Variants in RNF111 observed in about 807,000 individuals in gnomAD.
RNF111 encodes the protein ring finger protein 111.
Under a neutral mutation model 95.1 loss-of-function variants are expected in RNF111, and 17 were observed. The observed-to-expected ratio is 0.18, with a 90% confidence interval of 0.12 to 0.27. The LOEUF (loss-of-function observed/expected upper bound fraction) is 0.27, where lower values mean the gene tolerates loss of function less well. Among genes scored for constraint, RNF111 ranks in the 10% least tolerant of loss-of-function variants. The pLI, the probability that RNF111 is intolerant of heterozygous loss-of-function variation, is 1.00. For missense variants in RNF111, 1,189 were observed against 1,210.4 expected (o/e 0.98, Z 0.26); for synonymous variants, 440 against 414.8 (o/e 1.06, Z -0.74).
chr15:59,053,434 T>G (rs1052175562), intron 3 of RNF111, among the ~76,000 whole-genome samples: 1 of 152,244 alleles, frequency 6.6e-6, no homozygotes, highest in African/African-American at 2.4e-5. Flanking sequence ...GAAGTGCATT[T>G]GCTTATTGCA....
chr15:59,073,686 C>G (rs1473800571), intron 6 of RNF111, among the ~76,000 whole-genome samples: 1 of 152,064 alleles, frequency 6.6e-6, no homozygotes, highest in Non-Finnish European at 1.5e-5. Flanking sequence ...GCTTGGAATC[C>G]ACTTCTTCCA....
chr15:59,010,385 T>TTTTA (rs1227628050), intron 1 of RNF111, among the ~76,000 whole-genome samples: 2 of 152,132 alleles, frequency 1.3e-5, no homozygotes, highest in East Asian at 3.9e-4. Flanking sequence ...TCCACATCTG[T>TTTTA]TTTATTTATT....
intron 6 of RNF111, among the ~76,000 whole-genome samples, 191 bp from the exon 7 acceptor site, chr15:59,075,763 A>G (rs544948511): frequency 6.2e-4 from 95 of 152,334 alleles, no homozygotes; most frequent in African/African-American, 2.1e-3. Context: ...ACAATCCAGG[A>G]TACACTTGTT....
intron 1 of RNF111, among the ~76,000 whole-genome samples, chr15:59,029,560 T>C (rs2040804066): frequency 6.6e-6 from 1 of 152,252 alleles, no homozygotes; most frequent in Admixed American, 6.5e-5. Flanking sequence ...AGTAAAGTTA[T>C]ATACTATAGT....
intron 2 of RNF111, among the ~76,000 whole-genome samples, chr15:59,032,759 AC>A (rs1295382936): frequency 6.6e-6 from 1 of 152,160 alleles, no homozygotes; most frequent in Non-Finnish European, 1.5e-5. Flanking sequence ...ATTTCAAGTA[AC>A]TTTTATTCTA....
chr15:58,990,164 C>T (rs1478359773), intron 1 of RNF111, among the ~76,000 whole-genome samples: 1 of 152,164 alleles, frequency 6.6e-6, no homozygotes, highest in Non-Finnish European at 1.5e-5. Context: ...TGTTAACCCT[C>T]CTTGGGCTTC....
At chr15:59,052,470 A>T (rs2042029007) in intron 3 of RNF111, 39 bp downstream of exon 3, 5 of 1,399,270 alleles carry the variant, frequency 3.6e-6, no homozygotes, top group Non-Finnish European at 3.8e-6. Flanking sequence ...TGAAATATTA[A>T]ATATAAATAT....
At chr15:59,091,516 G>A (rs1316652064) in intron 12 of RNF111, among the ~76,000 whole-genome samples, 1 of 152,098 alleles carries the variant, frequency 6.6e-6, no homozygotes, top group African/African-American at 2.4e-5. Context: ...AGCTCCCACA[G>A]ATCACCCTTA....
chr15:58,990,240 A>G (rs531103347), intron 1 of RNF111, among the ~76,000 whole-genome samples: 34 of 152,252 alleles, frequency 2.2e-4, no homozygotes, highest in South Asian at 1.2e-3. Flanking sequence ...TCCCAAATTT[A>G]ATGGTTTGTA....
At chr15:59,047,517 G>C (rs1420760577) in intron 2 of RNF111, among the ~76,000 whole-genome samples, 2 of 151,976 alleles carry the variant, frequency 1.3e-5, no homozygotes, top group Non-Finnish European at 2.9e-5. Flanking sequence ...ACAAAAACCA[G>C]AGTAACTAAT....
At chr15:59,056,517 G>A (rs1203364477) in intron 4 of RNF111, among the ~76,000 whole-genome samples, 2 of 152,158 alleles carry the variant, frequency 1.3e-5, no homozygotes, top group Admixed American at 6.6e-5. Flanking sequence ...AAAATGGTAA[G>A]CCATATATGA....
At chr15:58,993,146 G>A (rs752654280) in intron 1 of RNF111, among the ~76,000 whole-genome samples, 3 of 151,122 alleles carry the variant, frequency 2.0e-5, no homozygotes, top group Non-Finnish European at 4.4e-5. Context: ...CTTCAGTCTG[G>A]GTGACAGAGC....
intron 5 of RNF111, among the ~76,000 whole-genome samples, chr15:59,063,109 G>A (rs1278914774): frequency 3.3e-5 from 5 of 152,200 alleles, no homozygotes; most frequent in Non-Finnish European, 5.9e-5. Context: ...AAGGGCCAAA[G>A]AGCAAGTGTT....
chr15:59,010,841 G>A (rs2039766416), intron 1 of RNF111, among the ~76,000 whole-genome samples: 1 of 152,172 alleles, frequency 6.6e-6, no homozygotes, highest in Non-Finnish European at 1.5e-5. Flanking sequence ...AGGAGAGCCT[G>A]TGGTTTTAGG....
chr15:59,070,027 TGC>T (rs1566930068), intron 6 of RNF111, among the ~76,000 whole-genome samples: 5 of 9,730 alleles, frequency 5.1e-4, no homozygotes, highest in African/African-American at 8.1e-4. Flanking sequence ...CCCCACCTCC[TGC>T]TTTTTTTTTT....
intron 1 of RNF111, among the ~76,000 whole-genome samples, chr15:59,022,900 G>A (rs1280897965): frequency 6.6e-6 from 1 of 152,188 alleles, no homozygotes; most frequent in Admixed American, 6.5e-5. Context: ...GCAGAAGTAT[G>A]AACAGATCTG....
intron 8 of RNF111, among the ~76,000 whole-genome samples, chr15:59,081,695 G>A (rs966759106): frequency 6.6e-6 from 1 of 151,984 alleles, no homozygotes; most frequent in Non-Finnish European, 1.5e-5. Flanking sequence ...TCTAGCTTAG[G>A]TGGTAGAGCA....
chr15:59,079,429 T>C (rs2078670893), intron 7 of RNF111, among the ~76,000 whole-genome samples: 1 of 152,232 alleles, frequency 6.6e-6, no homozygotes, highest in Non-Finnish European at 1.5e-5. Context: ...CTTGCAACTT[T>C]TAAAAATTAG....
intron 2 of RNF111, among the ~76,000 whole-genome samples, chr15:59,048,315 A>C (rs1337083793): frequency 6.6e-6 from 1 of 152,252 alleles, no homozygotes; most frequent in African/African-American, 2.4e-5. Context: ...ATATATTTCA[A>C]CATAAATACG....
Sources: gnomAD v4.1 joint callset for allele counts (sites outside exome capture counted in the v4.1 genomes callset) on GRCh38, gnomAD v4.1.1 for gene constraint, MANE v1.5 for transcripts, NCBI Gene and HGNC (gene_info 2026-07-23, HGNC 2026-07-21) for gene names.